MYO9A: variants seen among roughly 807,000 people sequenced by gnomAD.
MYO9A encodes unconventional myosin-IXa.
A neutral mutation model predicts 293.3 loss-of-function variants in MYO9A; 103 were observed. That is an observed-to-expected ratio of 0.35 (90% CI 0.30 to 0.41). The LOEUF (loss-of-function observed/expected upper bound fraction) is 0.41. MYO9A is among the 10% of genes least tolerant of loss of function. The probability of loss-of-function intolerance (pLI) is 1.00; values close to 1 mark genes in which losing one functional copy is unlikely to be tolerated. For synonymous variants in MYO9A, 1,001 were observed against 1,035.7 expected, an observed-to-expected ratio of 0.97 and a Z score of 0.64; for missense variants, 2,685 against 3,033.0, an observed-to-expected ratio of 0.89 and a Z score of 2.69.
intron 13 of MYO9A, among the ~76,000 whole-genome samples, chr15:71,962,612 G>GT (rs2147080377): frequency 6.6e-6 from 1 of 152,286 alleles, no homozygotes; most frequent in Non-Finnish European, 1.5e-5. Flanking sequence ...TGAACTTAAT[G>GT]TATTTTACGT....
At chr15:71,828,067 A>G in intron 40 of MYO9A, 41 bp from the exon 41 acceptor site, 1 of 1,584,686 alleles carries the variant, frequency 6.3e-7, no homozygotes, top group Non-Finnish European at 8.6e-7. Flanking sequence ...TTTGATAGGA[A>G]GTGGAAGGAA....
At chr15:72,015,147 G>A (rs1282837091) in intron 6 of MYO9A, among the ~76,000 whole-genome samples, 2 of 151,808 alleles carry the variant, frequency 1.3e-5, no homozygotes, top group African/African-American at 4.8e-5. Context: ...CTGGCCAGAT[G>A]TGAAGTGCTT....
intron 32 of MYO9A, among the ~76,000 whole-genome samples, chr15:71,864,443 T>C (rs537102812): frequency 9.2e-5 from 14 of 152,318 alleles, no homozygotes; most frequent in African/African-American, 2.9e-4. Context: ...ACTGGAAGCA[T>C]AGAGTTGCCA....
chr15:71,866,125 C>T (rs2056315309), intron 32 of MYO9A, among the ~76,000 whole-genome samples: 2 of 152,106 alleles, frequency 1.3e-5, no homozygotes, highest in East Asian at 3.8e-4. Flanking sequence ...CCCATGTTTG[C>T]TTTTGTGTCA....
intron 14 of MYO9A, among the ~76,000 whole-genome samples, chr15:71,954,055 C>G (rs2059123003): frequency 6.6e-6 from 1 of 151,888 alleles, no homozygotes; most frequent in Non-Finnish European, 1.5e-5. Context: ...ACCACCATGC[C>G]CAGCTAATTT....
chr15:72,046,565 T>C lies in MYO9A; in HGVS notation c.-2A>G, dbSNP rs1048976202. 12 of 1,586,760 alleles carry C rather than the reference T, an allele frequency of 7.6e-6. No homozygotes were observed. In the African/African-American group the frequency reaches 8.1e-5, roughly 11 times the overall value. ...TCTTCCTCCATCATTTATATTCATA[T>C]TGGATCCTGTCCCATCAGCATGGAT... On this transcript the variant is annotated 5_prime_UTR_variant, in exon 2 of 42. Coordinates refer to ENST00000356056, the MANE Select transcript of MYO9A (RefSeq NM_006901.4).
intron 25 of MYO9A, among the ~76,000 whole-genome samples, 175 bp from the exon 26 acceptor site, chr15:71,893,953 A>G (rs1022471659): frequency 8.5e-5 from 13 of 152,192 alleles, no homozygotes; most frequent in African/African-American, 2.7e-4. Flanking sequence ...GAACCTACGC[A>G]TAAGACTGAA....
intron 19 of MYO9A, among the ~76,000 whole-genome samples, chr15:71,906,807 A>G (rs1391061016): frequency 9.1e-6 from 1 of 110,356 alleles, no homozygotes; most frequent in African/African-American, 3.8e-5. Flanking sequence ...TCTGTCACCC[A>G]GGCTGGAATG....
At chr15:71,977,401 T>G (rs1401656166) in intron 12 of MYO9A, among the ~76,000 whole-genome samples, 2 of 152,138 alleles carry the variant, frequency 1.3e-5, no homozygotes, top group African/African-American at 4.8e-5. Context: ...TATGCCCAGC[T>G]AATTTTCATA....
intron 28 of MYO9A, among the ~76,000 whole-genome samples, chr15:71,883,352 TAC>T (rs1391404117): frequency 2.6e-5 from 4 of 152,210 alleles, no homozygotes; most frequent in Admixed American, 2.0e-4. Flanking sequence ...TAACCTATGA[TAC>T]ACAGTCATTT....
chr15:72,075,952 C>T (rs899931839), intron 1 of MYO9A, among the ~76,000 whole-genome samples: 11 of 152,070 alleles, frequency 7.2e-5, no homozygotes, highest in Admixed American at 7.2e-4. Context: ...GTGGTAACAG[C>T]AAGTGCCATA....
At chr15:71,901,578 C>A (rs1022184766) in intron 22 of MYO9A, among the ~76,000 whole-genome samples, 3 of 151,552 alleles carry the variant, frequency 2.0e-5, no homozygotes, top group African/African-American at 7.3e-5. Flanking sequence ...ATACTCCTAA[C>A]TACTGAGAAG....
At chr15:71,827,789 C>T in intron 41 of MYO9A, 95 bp downstream of exon 41, 1 of 1,325,624 alleles carries the variant, frequency 7.5e-7, no homozygotes, top group Non-Finnish European at 1.0e-6. Flanking sequence ...GATGTACAGT[C>T]AGTAAATTCT....
chr15:72,118,514 C>A (rs115403762), upstream of MYO9A: 3,214 of 152,316 alleles, frequency 0.021, 104 homozygotes, highest in African/African-American at 0.074. Context: ...GGATCGCTCT[C>A]CCACCCACTC....
At chr15:72,020,306 A>C (rs544228132) in intron 5 of MYO9A, among the ~76,000 whole-genome samples, 2 of 152,330 alleles carry the variant, frequency 1.3e-5, no homozygotes, top group South Asian at 2.1e-4. Flanking sequence ...AAAATTAGTA[A>C]AGTCAATGTA....
intron 1 of MYO9A, among the ~76,000 whole-genome samples, chr15:72,092,910 T>TACACACACACACAC (rs59999448): frequency 2.5e-4 from 36 of 141,912 alleles, no homozygotes; most frequent in African/African-American, 9.2e-4. Context: ...CCACCTTACT[T>TACACACACACACAC]ACACACACAC....
intron 2 of MYO9A, among the ~76,000 whole-genome samples, chr15:72,043,041 C>T (rs1368734802): frequency 5.3e-5 from 8 of 151,944 alleles, no homozygotes; most frequent in Non-Finnish European, 2.9e-5. Context: ...TACACTCCAG[C>T]CTGGGCAATA....
intron 13 of MYO9A, among the ~76,000 whole-genome samples, chr15:71,960,568 T>C (rs910793880): frequency 1.3e-5 from 2 of 152,172 alleles, no homozygotes; most frequent in African/African-American, 4.8e-5. Flanking sequence ...TATAGAAACA[T>C]AAGAATGGAC....
intron 1 of MYO9A, among the ~76,000 whole-genome samples, chr15:72,102,291 G>A (rs1170151918): frequency 6.6e-6 from 1 of 150,502 alleles, no homozygotes; most frequent in Non-Finnish European, 1.5e-5. Context: ...AAGGCAGCAT[G>A]CTCGTTAAGA....
Sources: allele counts gnomAD v4.1 joint callset (sites outside exome capture counted in the v4.1 genomes callset), GRCh38; gene constraint gnomAD v4.1.1; transcripts MANE v1.5; gene names NCBI Gene and HGNC (gene_info 2026-07-23, HGNC 2026-07-21).